The following TBC1D8B variants were observed in gnomAD, a reference collection of about 807,000 sequenced individuals.
TBC1D8B encodes TBC1 domain family member 8B, also known as RP11-321G1.1.
In TBC1D8B, 75 loss-of-function variants were observed where a neutral mutation model predicts 82.9. The observed-to-expected ratio is 0.90, with a 90% CI of 0.75 to 1.10. The LOEUF (loss-of-function observed/expected upper bound fraction) is 1.10, where lower values mean the gene tolerates loss of function less well. TBC1D8B is among the 50% of genes least tolerant of loss of function. The pLI is 0.00. For missense variants in TBC1D8B, 794 were observed against 796.9 expected, an observed-to-expected ratio of 1.00 and a Z score of 0.04; for synonymous variants, 276 against 276.8, an observed-to-expected ratio of 1.00 and a Z score of 0.03.
intron 7 of TBC1D8B, among the ~76,000 whole-genome samples, chrX:106,833,753 G>C (rs1028970054): frequency 1.8e-5 from 2 of 110,914 alleles, no homozygotes; most frequent in Non-Finnish European, 3.8e-5. Context: ...TGCTTAAGAG[G>C]TTATTTTTTT....
chrX:106,874,392 A>G lies in TBC1D8B; in HGVS notation c.*427A>G, dbSNP rs1289931370. 8.8e-6 allele frequency: 1 copy of G among 113,106 alleles called. No homozygotes were observed. The highest frequency in any genetic ancestry group is 1.9e-5 in the Non-Finnish European group (1 of 53,913). 9.3% of individuals were successfully genotyped at this position (113,106 alleles called of 1,213,427 possible). On this transcript the variant is annotated 3_prime_UTR_variant, in exon 21 of 21. Coordinates refer to ENST00000357242, the MANE Select transcript of TBC1D8B (RefSeq NM_017752.3). ...AAAGACGGTGTTATGCTTGGGTGTT[A>G]GTGAGGCTGATATGTCATGTCAATC...
At chrX:106,850,366 T>A (rs760672592) in intron 12 of TBC1D8B, 56 bp downstream of exon 12, 3 of 1,075,582 alleles carry the variant, frequency 2.8e-6, no homozygotes, top group Non-Finnish European at 3.7e-6. Flanking sequence ...ATGATGTTGT[T>A]CAATCCCCTA....
intron 20 of TBC1D8B, 137 bp from the exon 21 acceptor site, chrX:106,873,433 A>T: frequency 1.6e-6 from 1 of 629,435 alleles, no homozygotes; most frequent in Non-Finnish European, 2.3e-6. Context: ...TTTTGGGGTT[A>T]ATCACCAGTT....
At chrX:106,823,920 G>C (rs933199801) in intron 5 of TBC1D8B, among the ~76,000 whole-genome samples, 2 of 111,451 alleles carry the variant, frequency 1.8e-5, no homozygotes, top group Non-Finnish European at 3.8e-5. Flanking sequence ...TAGAATGAAA[G>C]TAGAACAACC....
rs1932878719 is a variant in TBC1D8B at position 106,875,143 on chromosome X, C to A, written c.*1178C>A. The A allele has an allele frequency of 9.1e-6, 1 of 110,430 alleles. No homozygotes were observed. Among genetic ancestry groups the A allele is most frequent in the African/African-American group, 3.3e-5 (1 of 30,414 alleles). The allele number at this position is 110,430 out of a possible 1,213,427, so 9.1% of individuals were successfully genotyped here. ...AAAGCAAACCATACTTGTCCACTGT[C>A]CTGTGCTATTCCTACCAAGGACAAT... On this transcript the variant is annotated 3_prime_UTR_variant, in exon 21 of 21. Transcript: ENST00000357242.
At chrX:106,803,831 T>A (rs781410215) in intron 1 of TBC1D8B, among the ~76,000 whole-genome samples, 12 of 111,664 alleles carry the variant, frequency 1.1e-4, no homozygotes, top group Non-Finnish European at 2.1e-4. Context: ...ATATTTAAAG[T>A]TTTGGACGTT....
intron 1 of TBC1D8B, among the ~76,000 whole-genome samples, chrX:106,807,209 C>A (rs1006295733): frequency 9.2e-6 from 1 of 108,656 alleles, no homozygotes; most frequent in Admixed American, 1.0e-4. Flanking sequence ...CCCGCCCCCC[C>A]CCATACACAC....
intron 1 of TBC1D8B, among the ~76,000 whole-genome samples, chrX:106,810,941 A>T (rs1395972592): frequency 8.9e-6 from 1 of 111,981 alleles, no homozygotes; most frequent in African/African-American, 3.2e-5. Flanking sequence ...TATTAACTGC[A>T]TACCTAAGTA....
At chrX:106,833,395 A>G (rs1932090380) in intron 7 of TBC1D8B, among the ~76,000 whole-genome samples, 1 of 111,737 alleles carries the variant, frequency 8.9e-6, no homozygotes, top group African/African-American at 3.2e-5. Flanking sequence ...GAACACCCAA[A>G]TAAATGGAGA....
intron 7 of TBC1D8B, 177 bp downstream of exon 7, chrX:106,827,514 A>C: frequency 2.2e-6 from 1 of 447,066 alleles, no homozygotes. Context: ...GTGAGAATTA[A>C]GGACTTTATT....
intron 20 of TBC1D8B, among the ~76,000 whole-genome samples, chrX:106,872,455 T>TTATATATATATATATATA (rs61326496): frequency 2.6e-4 from 19 of 73,294 alleles, no homozygotes; most frequent in African/African-American, 1.1e-3. Context: ...AGAAAAATAT[T>TTATATATATATATATATA]TATATATATA....
intron 14 of TBC1D8B, among the ~76,000 whole-genome samples, chrX:106,860,360 T>TGC (rs1391195082): frequency 1.9e-5 from 2 of 107,213 alleles, no homozygotes; most frequent in Admixed American, 1.0e-4. Flanking sequence ...TGTGTGTGTG[T>TGC]GTGTGTGTGT....
In TBC1D8B at chrX:106,826,279, T is replaced by C. The variant is rs750652974; in HGVS notation, c.1035+42T>C. ...TACATATCAGTTTTTAGTTTGAAAATGTTATCCTTCACAGAGTAAAATGTC... is the reference window on the plus strand; with the variant it reads ...TACATATCAGTTTTTAGTTTGAAAACGTTATCCTTCACAGAGTAAAATGTC... On this transcript the variant is annotated intron_variant, in intron 6 of 20. Coordinates refer to ENST00000357242, the MANE Select transcript of TBC1D8B (RefSeq NM_017752.3). 5.0e-5 allele frequency: 54 copies of C among 1,087,983 alleles called. No individual in the cohort carries two copies. In the Admixed American group the frequency reaches 1.2e-3, roughly 25 times the overall value. The allele number at this position is 1,087,983 out of a possible 1,213,427, so 89.7% of individuals were successfully genotyped here.
intron 1 of TBC1D8B, chrX:106,814,052 G>C (rs184991150): frequency 2.1e-5 from 2 of 97,276 alleles, no homozygotes; most frequent in Non-Finnish European, 4.0e-5. Context: ...GTTCCCCTTC[G>C]TATGTTCATG....
At chrX:106,822,833 A>G (rs1370111622) in intron 4 of TBC1D8B, among the ~76,000 whole-genome samples, 1 of 103,470 alleles carries the variant, frequency 9.7e-6, no homozygotes, top group African/African-American at 3.5e-5. Context: ...CTCTGTCTCT[A>G]CAAAAAAAAA....
intron 7 of TBC1D8B, chrX:106,829,871 T>G (rs768474175): frequency 5.7e-4 from 63 of 110,283 alleles, no homozygotes; most frequent in Non-Finnish European, 9.8e-4. Flanking sequence ...TACCATTCAG[T>G]ACATAGGCAT....
At chrX:106,849,130 A>G (rs1932528254) in intron 11 of TBC1D8B, 2 of 708,058 alleles carry the variant, frequency 2.8e-6, no homozygotes, top group Non-Finnish European at 4.0e-6. Context: ...TTACCTTAAA[A>G]CTTATGAATG....
At chrX:106,812,802 C>T (rs1380022685) in intron 1 of TBC1D8B, among the ~76,000 whole-genome samples, 1 of 111,549 alleles carries the variant, frequency 9.0e-6, no homozygotes, top group African/African-American at 3.3e-5. Context: ...TCAATATTGG[C>T]CACAGGTTAG....
At chrX:106,818,172 C>T (rs1931594691) in intron 1 of TBC1D8B, among the ~76,000 whole-genome samples, 1 of 110,949 alleles carries the variant, frequency 9.0e-6, no homozygotes, top group Admixed American at 9.7e-5. Context: ...CTAAGCATTG[C>T]TCTAAGTGCG....
Sources: gnomAD v4.1 joint callset for allele counts (sites outside exome capture counted in the v4.1 genomes callset) on GRCh38, gnomAD v4.1.1 for gene constraint, MANE v1.5 for transcripts, NCBI Gene and HGNC (gene_info 2026-07-23, HGNC 2026-07-21) for gene names.